Variants in MAP1LC3B2 observed in about 807,000 individuals in gnomAD.
MAP1LC3B2 encodes the protein microtubule associated protein 1 light chain 3 beta 2.
For synonymous variants in MAP1LC3B2, 62 were observed against 57.8 expected (o/e 1.07, Z -0.33); for missense variants, 155 against 154.6 (o/e 1.00, Z -0.01).
intron 1 of MAP1LC3B2, among the ~76,000 whole-genome samples, chr12:116,574,235 C>T (rs1592869817): frequency 1.6e-5 from 2 of 124,078 alleles, no homozygotes; most frequent in African/African-American, 6.2e-5. Flanking sequence ...ATTGCAGTAT[C>T]GTTTGTAATA....
chr12:116,561,669 T>G (rs1417606088), intron 1 of MAP1LC3B2, among the ~76,000 whole-genome samples: 1 of 152,164 alleles, frequency 6.6e-6, no homozygotes, highest in Non-Finnish European at 1.5e-5. Flanking sequence ...CCATTAGCCA[T>G]TCACTGAGGC....
intron 1 of MAP1LC3B2, among the ~76,000 whole-genome samples, chr12:116,567,448 CTTTTTTT>C (rs35722581): frequency 7.8e-6 from 1 of 127,858 alleles, no homozygotes; most frequent in Admixed American, 8.2e-5. Flanking sequence ...CTTTGCAAAT[CTTTTTTT>C]TTTTTTTTTT....
chr12:116,562,520 T>C (rs1474359750), intron 1 of MAP1LC3B2, among the ~76,000 whole-genome samples: 1 of 152,246 alleles, frequency 6.6e-6, no homozygotes, highest in African/African-American at 2.4e-5. Context: ...CTGATCCATG[T>C]AGCCCTGGGA....
intron 1 of MAP1LC3B2, among the ~76,000 whole-genome samples, chr12:116,566,217 A>G (rs950084429): frequency 6.6e-6 from 1 of 152,234 alleles, no homozygotes; most frequent in African/African-American, 2.4e-5. Flanking sequence ...CCTGGGAACA[A>G]AACATGCAGC....
rs187986291 is a variant in MAP1LC3B2 at position 116,575,366 on chromosome 12, G to A, written c.-101-476G>A. Reference sequence around the variant, plus strand: ...GAGTTGCATTGGAGAGCAGTGGAGCGGCTATTAACTTTATTTTAGATAATT... The same window carrying A: ...GAGTTGCATTGGAGAGCAGTGGAGCAGCTATTAACTTTATTTTAGATAATT... On this transcript the variant is annotated intron_variant, in intron 1 of 1. Transcript: ENST00000556529. Among the ~76,000 whole-genome samples, 885 of 152,186 alleles carry A rather than the reference G, an allele frequency of 5.8e-3. 7 individuals are homozygous for A. The highest frequency in any genetic ancestry group is 0.02 in the African/African-American group (826 of 41,508).
intron 1 of MAP1LC3B2, among the ~76,000 whole-genome samples, chr12:116,573,150 C>T (rs1405826173): frequency 1.3e-5 from 2 of 152,190 alleles, no homozygotes; most frequent in Non-Finnish European, 2.9e-5. Flanking sequence ...TCTCAAACTT[C>T]TGATCTTAGG....
chr12:116,564,844 T>G (rs1476995975), intron 1 of MAP1LC3B2, among the ~76,000 whole-genome samples: 2 of 152,232 alleles, frequency 1.3e-5, no homozygotes, highest in East Asian at 3.8e-4. Flanking sequence ...TCCTCCTCCC[T>G]GTGCTGCAGT....
intron 1 of MAP1LC3B2, among the ~76,000 whole-genome samples, chr12:116,563,773 CA>C (rs1272644621): frequency 3.3e-5 from 5 of 152,262 alleles, no homozygotes; most frequent in Middle Eastern, 3.4e-3. Flanking sequence ...AGGCCCCTGA[CA>C]CTCTGATTAT....
intron 1 of MAP1LC3B2, among the ~76,000 whole-genome samples, chr12:116,566,706 C>G (rs901053549): frequency 6.7e-6 from 1 of 148,212 alleles, no homozygotes; most frequent in African/African-American, 2.5e-5. Flanking sequence ...CCGAGTCAGG[C>G]AGATCACCTG....
At chr12:116,562,055 G>T (rs183756456) in intron 1 of MAP1LC3B2, among the ~76,000 whole-genome samples, 9,148 of 152,222 alleles carry the variant, frequency 0.06, 589 homozygotes, top group African/African-American at 0.16. Flanking sequence ...GGATGGGAAT[G>T]TGATCCAAAG....
intron 1 of MAP1LC3B2, among the ~76,000 whole-genome samples, 161 bp downstream of exon 1, chr12:116,559,594 G>A (rs566457940): frequency 8.3e-4 from 127 of 152,350 alleles, no homozygotes; most frequent in Non-Finnish European, 1.7e-3. Context: ...TCACTAGTCA[G>A]ACCTGTGGGA....
At chr12:116,563,984 A>C (rs1037155869) in intron 1 of MAP1LC3B2, among the ~76,000 whole-genome samples, 1 of 152,080 alleles carries the variant, frequency 6.6e-6, no homozygotes, top group African/African-American at 2.4e-5. Flanking sequence ...GGTTCAAGCA[A>C]TTCTCCCACC....
At chr12:116,569,918 G>A (rs1439465293) in intron 1 of MAP1LC3B2, among the ~76,000 whole-genome samples, 1 of 152,102 alleles carries the variant, frequency 6.6e-6, no homozygotes, top group Non-Finnish European at 1.5e-5. Flanking sequence ...GCTGGGCATG[G>A]TGGCACGCAC....
intron 1 of MAP1LC3B2, among the ~76,000 whole-genome samples, chr12:116,566,066 C>T (rs1256328437): frequency 2.0e-5 from 3 of 152,144 alleles, no homozygotes; most frequent in African/African-American, 7.2e-5. Flanking sequence ...AACATCTAGA[C>T]AATAACAAAC....
intron 1 of MAP1LC3B2, among the ~76,000 whole-genome samples, chr12:116,571,221 G>A (rs1198513938): frequency 6.6e-6 from 1 of 152,176 alleles, no homozygotes; most frequent in Admixed American, 6.6e-5. Flanking sequence ...TTCTGTGGTT[G>A]AGGAAAGGTG....
chr12:116,567,765 A>T (rs548571318), intron 1 of MAP1LC3B2, among the ~76,000 whole-genome samples: 248 of 151,272 alleles, frequency 1.6e-3, no homozygotes, highest in African/African-American at 4.9e-3. Flanking sequence ...AAAATAAAAA[A>T]ATATATATAT....
intron 1 of MAP1LC3B2, among the ~76,000 whole-genome samples, chr12:116,574,996 G>A (rs10850672): frequency 0.37 from 56,063 of 151,474 alleles, 12,738 homozygotes; most frequent in Non-Finnish European, 0.51. Flanking sequence ...CCTGACCAAC[G>A]TGGAGAAACC....
rs369387076 is a variant in MAP1LC3B2 at position 116,575,993 on chromosome 12, A to G, written c.51A>G (p.Val17=). The change falls in exon 2 of 2, where the codon GTA becomes GTG. Residue 17 remains valine (V), a synonymous_variant. Coordinates refer to ENST00000556529, the MANE Select transcript of MAP1LC3B2 (RefSeq NM_001085481.3). ...AGCGGCGCACCTTCGAACAAAGAGT[A>G]GAAGATGTCCGACTTATTCGAGAGC... ...FKQRRTFEQR[V]EDVRLIREQH... The G allele has an allele frequency of 2.3e-4, 373 of 1,613,952 alleles. 1 individual carries two copies. Among genetic ancestry groups the G allele is most frequent in the Non-Finnish European group, 3.1e-4 (363 of 1,179,952 alleles).
At chr12:116,569,505 C>T (rs779208075) in intron 1 of MAP1LC3B2, among the ~76,000 whole-genome samples, 1 of 152,182 alleles carries the variant, frequency 6.6e-6, no homozygotes, top group Non-Finnish European at 1.5e-5. Flanking sequence ...AACTGTAAAT[C>T]CTTCAAGGAC....
Sources: allele counts gnomAD v4.1 joint callset (sites outside exome capture counted in the v4.1 genomes callset), GRCh38; gene constraint gnomAD v4.1.1; transcripts MANE v1.5; gene names NCBI Gene and HGNC (gene_info 2026-07-23, HGNC 2026-07-21).